KCNJ3: variants seen among roughly 807,000 people sequenced by gnomAD.
KCNJ3 encodes G protein-activated inward rectifier potassium channel 1.
Under a neutral mutation model 39.2 loss-of-function variants are expected in KCNJ3, and 4 were observed. The ratio of observed to expected loss-of-function variants is 0.10; its 90% CI spans 0.05 to 0.23. The LOEUF (loss-of-function observed/expected upper bound fraction) is 0.23, where lower values mean the gene tolerates loss of function less well. KCNJ3 is among the 10% of genes least tolerant of loss of function. KCNJ3 has a pLI of 1.00. For missense variants in KCNJ3, 276 were observed against 634.9 expected, an observed-to-expected ratio of 0.43 and a Z score of 6.08; for synonymous variants, 230 against 237.4, an observed-to-expected ratio of 0.97 and a Z score of 0.29.
At chr2:154,707,515 C>T (rs1685034440) in intron 1 of KCNJ3, among the ~76,000 whole-genome samples, 1 of 152,000 alleles carries the variant, frequency 6.6e-6, no homozygotes, top group African/African-American at 2.4e-5. Context: ...TACTCTAAAG[C>T]CTTTTAGAAT....
chr2:154,759,348 G>T (rs1052322590), intron 2 of KCNJ3, among the ~76,000 whole-genome samples: 5 of 139,326 alleles, frequency 3.6e-5, no homozygotes, highest in African/African-American at 1.3e-4. Flanking sequence ...GGTTTTAGAA[G>T]TCTTATTTTT....
intron 2 of KCNJ3, among the ~76,000 whole-genome samples, chr2:154,848,589 G>A (rs780918593): frequency 1.3e-5 from 2 of 152,044 alleles, no homozygotes; most frequent in Non-Finnish European, 2.9e-5. Flanking sequence ...TGTAATAGCA[G>A]CTACAATAAA....
At chr2:154,840,947 C>G (rs572556970) in intron 2 of KCNJ3, among the ~76,000 whole-genome samples, 29 of 152,226 alleles carry the variant, frequency 1.9e-4, no homozygotes, top group Admixed American at 1.8e-3. Context: ...CCTGATTGCC[C>G]TGGCCAGAAC....
intron 2 of KCNJ3, among the ~76,000 whole-genome samples, chr2:154,817,460 C>T (rs2971912): frequency 6.6e-6 from 1 of 151,918 alleles, no homozygotes; most frequent in South Asian, 2.1e-4. Flanking sequence ...TTTGCACAAT[C>T]ACTGCTGTTC....
chr2:154,839,785 GTTTT>G (rs889120497), intron 2 of KCNJ3, among the ~76,000 whole-genome samples: 1 of 151,484 alleles, frequency 6.6e-6, no homozygotes, highest in African/African-American at 2.4e-5. Flanking sequence ...GGGGTTGTTT[GTTTT>G]TTTTCTTGTA....
At chr2:154,837,839 G>A (rs1401117482) in intron 2 of KCNJ3, among the ~76,000 whole-genome samples, 2 of 152,312 alleles carry the variant, frequency 1.3e-5, no homozygotes. Flanking sequence ...TTCTCACATT[G>A]CGGATATAGA....
chr2:154,760,668 T>C (rs914250604), intron 2 of KCNJ3, among the ~76,000 whole-genome samples: 2 of 151,720 alleles, frequency 1.3e-5, no homozygotes, highest in African/African-American at 2.4e-5. Context: ...ATCCTTTCAC[T>C]TCAGCCTCCC....
At chr2:154,789,118 A>T (rs927036268) in intron 2 of KCNJ3, among the ~76,000 whole-genome samples, 2 of 152,082 alleles carry the variant, frequency 1.3e-5, no homozygotes, top group African/African-American at 2.4e-5. Context: ...TGTTGAAGAT[A>T]TGGATGTTTG....
chr2:154,710,313 G>A (rs537483971), intron 2 of KCNJ3, among the ~76,000 whole-genome samples: 11 of 152,218 alleles, frequency 7.2e-5, no homozygotes, highest in African/African-American at 2.6e-4. Flanking sequence ...TGCTAAAGCA[G>A]CATTTTAATA....
intron 2 of KCNJ3, among the ~76,000 whole-genome samples, chr2:154,853,677 A>T (rs1687793882): frequency 6.6e-6 from 1 of 152,170 alleles, no homozygotes; most frequent in Admixed American, 6.5e-5. Flanking sequence ...AATATGAGAC[A>T]GAAACTTGAT....
At chr2:154,783,120 G>T (rs1292326395) in intron 2 of KCNJ3, among the ~76,000 whole-genome samples, 1 of 152,120 alleles carries the variant, frequency 6.6e-6, no homozygotes, top group Non-Finnish European at 1.5e-5. Flanking sequence ...GGAGGTTGCG[G>T]TGGGCCAAGA....
intron 2 of KCNJ3, among the ~76,000 whole-genome samples, chr2:154,835,463 C>CATGAATATGAATATATAATATTA (rs1687441705): frequency 1.1e-5 from 1 of 94,508 alleles, no homozygotes; most frequent in Admixed American, 1.2e-4. Context: ...ATATAATATT[C>CATGAATATGAATATATAATATTA]ATGAATATGA....
chr2:154,709,510 A>G (rs1326319458), intron 1 of KCNJ3, 93 bp from the exon 2 acceptor site: 7 of 1,271,268 alleles, frequency 5.5e-6, no homozygotes, highest in Non-Finnish European at 7.7e-6. Context: ...TTGATAGTGC[A>G]GAATGTTGGC....
chr2:154,699,760 A>T lies in KCNJ3; in HGVS notation c.702+283A>T, dbSNP rs535087807. Reference sequence around the variant, plus strand: ...CGTGAGGACTGCTGTTGGCTCCTGGAGCCATGAGGGCAATTAGTGCCCTGT... The same window carrying T: ...CGTGAGGACTGCTGTTGGCTCCTGGTGCCATGAGGGCAATTAGTGCCCTGT... On this transcript the variant is annotated intron_variant, in intron 1 of 2. Transcript: ENST00000295101. This position sits in a 1 kb window ranked among gnomAD's most constrained non-coding sequence, Gnocchi z 6.4. 1.3e-5 allele frequency among the ~76,000 whole-genome samples: 2 copies of T among 152,124 alleles called. No individual in the cohort carries two copies. The highest frequency in any genetic ancestry group is 1.3e-4 in the Admixed American group (2 of 15,272).
intron 2 of KCNJ3, among the ~76,000 whole-genome samples, chr2:154,713,141 A>G (rs564659021): frequency 1.3e-5 from 2 of 152,266 alleles, no homozygotes; most frequent in East Asian, 1.9e-4. Flanking sequence ...GGATTTCATT[A>G]AAAAGCAGAG....
chr2:154,793,386 C>T (rs1043554149), intron 2 of KCNJ3, among the ~76,000 whole-genome samples: 4 of 152,048 alleles, frequency 2.6e-5, no homozygotes, highest in South Asian at 2.1e-4. Context: ...ACATGCTTGT[C>T]AATTTATGGT....
chr2:154,735,632 T>G (rs547561345), intron 2 of KCNJ3, among the ~76,000 whole-genome samples: 73 of 152,336 alleles, frequency 4.8e-4, no homozygotes, highest in African/African-American at 1.5e-3. Context: ...AAAACGTTTT[T>G]GATTATTAAG....
intron 2 of KCNJ3, among the ~76,000 whole-genome samples, chr2:154,814,332 A>G (rs2105104218): frequency 6.6e-6 from 1 of 152,282 alleles, no homozygotes; most frequent in South Asian, 2.1e-4. Context: ...CAAAGTATGT[A>G]TCAGGTATAA....
At chr2:154,773,305 C>G (rs2105197696) in intron 2 of KCNJ3, among the ~76,000 whole-genome samples, 1 of 152,110 alleles carries the variant, frequency 6.6e-6, no homozygotes, top group South Asian at 2.1e-4. Flanking sequence ...GAGATTAGTA[C>G]CAAAATATAA....
Sources: gnomAD v4.1 joint callset for allele counts (sites outside exome capture counted in the v4.1 genomes callset) on GRCh38, gnomAD v4.1.1 for gene constraint, Gnocchi (gnomAD v3.1) non-coding constraint, MANE v1.5 for transcripts, NCBI Gene and HGNC (gene_info 2026-07-23, HGNC 2026-07-21) for gene names.